Variants in CPNE7 observed in about 807,000 individuals in gnomAD.
CPNE7 encodes copine-7.
In CPNE7, 78 loss-of-function variants were observed where a neutral mutation model predicts 66.5. That is an observed-to-expected ratio of 1.17 (90% CI 0.98 to 1.42). The LOEUF (loss-of-function observed/expected upper bound fraction) is 1.42. Ranked by LOEUF, CPNE7 falls within the 40% of genes most tolerant of loss-of-function variation. CPNE7 has a pLI of 0.00. For synonymous variants in CPNE7, 468 were observed against 336.7 expected (o/e 1.39, Z -4.27); for missense variants, 1,012 against 776.6 (o/e 1.30, Z -3.60).
At chr16:89,592,509 C>A (rs900200363) in intron 13 of CPNE7, among the ~76,000 whole-genome samples, 8 of 147,158 alleles carry the variant, frequency 5.4e-5, no homozygotes, top group African/African-American at 2.0e-4. Flanking sequence ...GTGGTGCAAT[C>A]TCGGCTCACT....
chr16:89,594,443 G>A (rs567847178), intron 13 of CPNE7, among the ~76,000 whole-genome samples: 5 of 152,162 alleles, frequency 3.3e-5, no homozygotes, highest in African/African-American at 4.8e-5. Flanking sequence ...GCCCCTGTTC[G>A]TTTCCAGGAC....
At chr16:89,583,555 C>T (rs749012408) in intron 2 of CPNE7, 142 bp from the exon 3 acceptor site, 2 of 1,586,396 alleles carry the variant, frequency 1.3e-6, no homozygotes, top group Non-Finnish European at 8.6e-7. Flanking sequence ...ACAAAGGGGG[C>T]GCGGGCCCTG....
chr16:89,593,625 T>C (rs563550862), intron 13 of CPNE7, among the ~76,000 whole-genome samples: 118 of 152,312 alleles, frequency 7.7e-4, no homozygotes, highest in African/African-American at 2.8e-3. Context: ...GTGCTGGGAT[T>C]ACAGGCGTGA....
intron 2 of CPNE7, chr16:89,583,446 A>G: frequency 5.2e-6 from 8 of 1,550,402 alleles, no homozygotes; most frequent in Non-Finnish European, 7.0e-6. Flanking sequence ...GTAAATAGGT[A>G]TGATGACCTC....
chr16:89,584,987 G>A lies in CPNE7; in HGVS notation c.591+130G>A, dbSNP rs1260030535. 5 of 829,330 alleles carry A rather than the reference G, an allele frequency of 6.0e-6. No individual in the cohort carries two copies. The East Asian group carries it at 1.3e-4, about 22-fold the overall frequency. 51.4% of individuals were successfully genotyped at this position (829,330 alleles called of 1,614,324 possible). On this transcript the variant is annotated intron_variant, in intron 5 of 14. Transcript: ENST00000319518. This position sits in a 1 kb window ranked among gnomAD's most constrained non-coding sequence, Gnocchi z 6.0. ...TGGGCGCAGGGCTTTGGTGGCTGTG[G>A]CTATGGCCAGAATCCAACAGGGAGC...
rs114838488 is a variant in CPNE7 at position 89,584,791 on chromosome 16, C to A, written c.525C>A (p.Ser175=). The change falls in exon 5 of 15, where the codon TCC becomes TCA. Residue 175 remains serine (S), a synonymous_variant. Coordinates refer to ENST00000319518, the MANE Select transcript of CPNE7 (RefSeq NM_153636.3). The surrounding 1 kb of genome is among the most constrained non-coding windows in gnomAD (Gnocchi z 6.0). ...KLDDKDLFSK[S]DPFLELYRVN... ...CTCCCCAGGACCTCTTCAGCAAGTCCGACCCCTTCCTGGAGCTCTACAGGG... is the reference window on the plus strand; with the variant it reads ...CTCCCCAGGACCTCTTCAGCAAGTCAGACCCCTTCCTGGAGCTCTACAGGG... 1.4e-5 allele frequency: 22 copies of A among 1,613,490 alleles called. No homozygotes were observed. Among genetic ancestry groups the A allele is most frequent in the Non-Finnish European group, 1.9e-5 (22 of 1,179,872 alleles).
At chr16:89,592,001 C>G (rs9708848) in intron 13 of CPNE7, among the ~76,000 whole-genome samples, 13,983 of 125,178 alleles carry the variant, frequency 0.11, 1,068 homozygotes, top group Admixed American at 0.23. Flanking sequence ...GCCCGGCATT[C>G]TTTTTTTTGT....
At chr16:89,586,128 C>T (rs1197780081) in intron 7 of CPNE7, among the ~76,000 whole-genome samples, 4 of 151,848 alleles carry the variant, frequency 2.6e-5, no homozygotes, top group African/African-American at 9.7e-5. Flanking sequence ...TTGGCCCTGC[C>T]ACAGAGGCTG....
intron 2 of CPNE7, chr16:89,578,886 GA>G: frequency 1.2e-6 from 2 of 1,613,334 alleles, no homozygotes; most frequent in Non-Finnish European, 8.5e-7. Context: ...TGCAAGTCGT[GA>G]TGAGAGTGTC....
intron 9 of CPNE7, chr16:89,587,665 C>A (rs975046183): frequency 4.6e-6 from 2 of 430,452 alleles, no homozygotes; most frequent in Non-Finnish European, 9.5e-6. Flanking sequence ...CCCATGTCAC[C>A]CGCAGACCCC....
At chr16:89,582,493 G>A (rs901415791) in intron 2 of CPNE7, among the ~76,000 whole-genome samples, 7 of 152,224 alleles carry the variant, frequency 4.6e-5, no homozygotes, top group African/African-American at 1.7e-4. Flanking sequence ...GCGAGTCCCA[G>A]GTGTGAGGCA....
chr16:89,588,908 T>C, intron 10 of CPNE7, 100 bp downstream of exon 10: 1 of 1,474,224 alleles, frequency 6.8e-7, no homozygotes, highest in South Asian at 1.2e-5. Flanking sequence ...CCAGGTCAGC[T>C]ATGACAGGTG....
At position 89,595,479 on chromosome 16, in the gene CPNE7, T is replaced by TGGGCAA. The variant is rs1176870156; in HGVS notation, c.1416_1421dup (p.Gly473_Asn474insLysGly). On this transcript the variant is annotated inframe_insertion, in exon 14 of 15. Coordinates refer to ENST00000319518, the MANE Select transcript of CPNE7 (RefSeq NM_153636.3). ...CCCATGTCCATCATCATCGTGGGCG[T>TGGGCAA]GGGCAACGCCGACTTCACCGACATG... 2.4e-5 allele frequency: 38 copies of TGGGCAA among 1,612,392 alleles called. No individual in the cohort carries two copies. The highest frequency in any genetic ancestry group is 3.1e-5 in the Non-Finnish European group (36 of 1,179,850).
At chr16:89,596,385 C>T (rs561863920) in intron 14 of CPNE7, 99 bp from the exon 15 acceptor site, 20 of 1,472,622 alleles carry the variant, frequency 1.4e-5, no homozygotes, top group East Asian at 4.7e-5. Context: ...AGTCACCACT[C>T]GGCTCTGGAG....
rs1258065120 is a variant in CPNE7, at chr16:89,588,797, G to A, written c.1050G>A (p.Gln350=). ...TGGTGTCCGTGGGCGAGATCTGCCAGGACTATGACAGGTGCGCCCACCACC... is the reference window on the plus strand; with the variant it reads ...TGGTGTCCGTGGGCGAGATCTGCCAAGACTATGACAGGTGCGCCCACCACC... ...KALVSVGEIC[Q]DYDSDKRFSA... The change falls in exon 10 of 15, where the codon CAG becomes CAA. Residue 350 remains glutamine (Q), a synonymous_variant. Coordinates refer to ENST00000319518, the MANE Select transcript of CPNE7 (RefSeq NM_153636.3). 6.2e-7 allele frequency: 1 copy of A among 1,613,444 alleles called. No homozygotes were observed.
rs2058881042 is a variant in CPNE7, at chr16:89,577,634, CT to C, written c.273del (p.Phe91LeufsTer36). 6.3e-7 allele frequency: 1 copy of C among 1,583,518 alleles called. No individual in the cohort carries two copies. On this transcript the variant is annotated frameshift_variant, in exon 2 of 15. Coordinates refer to ENST00000319518, the MANE Select transcript of CPNE7 (RefSeq NM_153636.3). LOFTEE classifies it high-confidence loss of function. ...YYFEEVQRLRFEVYDTHGPSG... is the reference protein window; with the variant it reads ...YYFEEVQRLRXEVYDTHGPSG... The stretch of plus-strand genomic sequence containing the variant: ...ACTTCGAGGAGGTGCAGAGGCTGCG[CT>C]TTGAGGTGTACGACACGCATGGGCC...
At position 89,596,416 on chromosome 16, in the gene CPNE7, C is replaced by G; in HGVS notation, c.1540-68C>G. 4 of 1,541,716 alleles carry G rather than the reference C, an allele frequency of 2.6e-6. No homozygotes were observed. In the South Asian group the frequency reaches 4.9e-5, roughly 19 times the overall value. Reference sequence around the variant, plus strand: ...TGGAGGATGAGGCCTGGGCCATAATCCAGTTGCAGGGACGGATGATCTCCA... The same window carrying G: ...TGGAGGATGAGGCCTGGGCCATAATGCAGTTGCAGGGACGGATGATCTCCA... On this transcript the variant is annotated intron_variant, in intron 14 of 14. Coordinates refer to ENST00000319518, the MANE Select transcript of CPNE7 (RefSeq NM_153636.3).
At position 89,584,187 on chromosome 16, in the gene CPNE7, C is replaced by A; in HGVS notation, c.507+85C>A. 1 of 1,385,936 alleles carries A rather than the reference C, an allele frequency of 7.2e-7. No homozygotes were observed. Among genetic ancestry groups the A allele is most frequent in the Non-Finnish European group, 1.0e-6 (1 of 1,004,964 alleles). The allele number at this position is 1,385,936 out of a possible 1,614,324, so 85.9% of individuals were successfully genotyped here. A position where few individuals can be genotyped will look rare whatever the true frequency, so the allele number is the denominator to read the frequency against. On this transcript the variant is annotated intron_variant, in intron 4 of 14. Transcript: ENST00000319518. This position sits in a 1 kb window ranked among gnomAD's most constrained non-coding sequence, Gnocchi z 6.0. ...CCCGGTCCCTGCCCAGCGCTGACCT[C>A]GCGTGGCTATGTCCCGTGTGAGACG...
intron 2 of CPNE7, chr16:89,578,800 G>C: frequency 6.6e-7 from 1 of 1,517,162 alleles, no homozygotes; most frequent in Non-Finnish European, 8.8e-7. Flanking sequence ...GTGAGCAGCA[G>C]GTCCTACGGT....
Sources: gnomAD v4.1 joint callset for allele counts (sites outside exome capture counted in the v4.1 genomes callset) on GRCh38, gnomAD v4.1.1 for gene constraint, Gnocchi (gnomAD v3.1) non-coding constraint, MANE v1.5 for transcripts, NCBI Gene and HGNC (gene_info 2026-07-23, HGNC 2026-07-21) for gene names.